ATP2A3: variants seen among roughly 807,000 people sequenced by gnomAD.
ATP2A3 encodes the protein ATPase sarcoplasmic/endoplasmic reticulum Ca2+ transporting 3, also known as sarcoplasmic/endoplasmic reticulum calcium ATPase 3.
A neutral mutation model predicts 106.8 loss-of-function variants in ATP2A3; 61 were observed. The ratio of observed to expected loss-of-function variants is 0.57; its 90% CI spans 0.46 to 0.71. The LOEUF (loss-of-function observed/expected upper bound fraction) is 0.71. ATP2A3 is among the 30% of genes least tolerant of loss of function. ATP2A3 has a pLI of 0.00. For missense variants in ATP2A3, 1,201 were observed against 1,423.5 expected (o/e 0.84, Z 2.52); for synonymous variants, 611 against 609.3 (o/e 1.00, Z -0.04).
chr17:3,958,809 TATATATATACACAC>T (rs1417079729), intron 1 of ATP2A3, among the ~76,000 whole-genome samples: 1 of 140,016 alleles, frequency 7.1e-6, no homozygotes, highest in Non-Finnish European at 1.6e-5. Flanking sequence ...TATACACACA[TATATATATACACAC>T]ATATATATAC....
At chr17:3,939,310 A>G (rs969562555) in intron 14 of ATP2A3, among the ~76,000 whole-genome samples, 1 of 152,042 alleles carries the variant, frequency 6.6e-6, no homozygotes, top group Non-Finnish European at 1.5e-5. Flanking sequence ...GCCATGGGTC[A>G]GGGTTAAGGA....
chr17:3,962,779 G>T (rs2055210938), intron 1 of ATP2A3, among the ~76,000 whole-genome samples: 1 of 152,184 alleles, frequency 6.6e-6, no homozygotes, highest in African/African-American at 2.4e-5. Flanking sequence ...ACAGGCCAAG[G>T]GCTGCGTCTC....
intron 20 of ATP2A3, chr17:3,927,609 G>C: frequency 2.0e-6 from 2 of 985,432 alleles, no homozygotes; most frequent in Non-Finnish European, 2.4e-6. Flanking sequence ...CTGTCACAGA[G>C]CATTGGCCAG....
intron 8 of ATP2A3, 140 bp from the exon 9 acceptor site, chr17:3,945,288 A>C: frequency 1.4e-6 from 1 of 698,368 alleles, no homozygotes. Context: ...GCCCACCAGG[A>C]GGGAAATAGA....
chr17:3,939,796 A>T (rs1369833565), intron 14 of ATP2A3, among the ~76,000 whole-genome samples: 19 of 149,776 alleles, frequency 1.3e-4, no homozygotes, highest in South Asian at 2.1e-4. Context: ...TAAAAAAAAA[A>T]AAAAAAAAAA....
At position 3,936,495 on chromosome 17, in the gene ATP2A3, C is replaced by A. The variant is rs1373365712; in HGVS notation, c.2322-26G>T. 2 of 1,612,220 alleles carry A rather than the reference C, an allele frequency of 1.2e-6. No individual in the cohort carries two copies. Among genetic ancestry groups the A allele is most frequent in the African/African-American group, 2.7e-5 (2 of 74,858 alleles). Reference sequence around the variant, plus strand: ...CTGGAACAGAGTCATGAGCTCTAGCCCCGGTAGGCCTAGCCCCCGGCAGAT... The same window carrying A: ...CTGGAACAGAGTCATGAGCTCTAGCACCGGTAGGCCTAGCCCCCGGCAGAT... On this transcript the variant is annotated intron_variant, in intron 15 of 20. Coordinates refer to ENST00000397041, the MANE Select transcript of ATP2A3 (RefSeq NM_005173.4). This position sits in a 1 kb window ranked among gnomAD's most constrained non-coding sequence, Gnocchi z 5.4.
At chr17:3,931,765 C>G (rs866024476) in intron 17 of ATP2A3, among the ~76,000 whole-genome samples, 2 of 152,198 alleles carry the variant, frequency 1.3e-5, no homozygotes, top group Admixed American at 1.3e-4. Flanking sequence ...TCGTGATCCG[C>G]CCGCCTTGGC....
At chr17:3,958,704 A>G (rs2054924022) in intron 1 of ATP2A3, among the ~76,000 whole-genome samples, 1 of 130,566 alleles carries the variant, frequency 7.7e-6, no homozygotes, top group Admixed American at 7.9e-5. Context: ...CCTCATTCAT[A>G]TATATATATA....
Position 3,945,104 on chromosome 17 carries a change from G to A in ATP2A3, c.1140C>T (p.His380=). ...ACGTGGTACCCGAGATGGTGAACTC[G>A]TGCAAAAGGCAGGAGCCCGCATCGG... ...AEADAGSCLL[H]EFTISGTTYT... is the part of the protein sequence containing the mutation. The change falls in exon 9 of 21, where the codon CAC becomes CAT. Residue 380 remains histidine, a synonymous_variant. Transcript: ENST00000397041. The A allele has an allele frequency of 6.5e-7, 1 of 1,548,142 alleles. No homozygotes were observed. The highest frequency in any genetic ancestry group is 1.2e-5 in the South Asian group (1 of 83,994).
rs1487129160 is a variant in ATP2A3, at chr17:3,925,424, A to G, written c.2998T>C (p.Ter1000ArgextTer42). 6.2e-7 allele frequency: 1 copy of G among 1,613,794 alleles called. No homozygotes were observed. Among genetic ancestry groups the G allele is most frequent in the South Asian group, 1.1e-5 (1 of 91,056 alleles). Reference protein sequence around the residue: ...NHMHEEMSQK* With the variant: ...NHMHEEMSQKR Reference sequence around the variant, plus strand: ...AGACTCCACTCTGTTCCCAGCGCTCACTTCTGGCTCATTTCTTCTGGAAGA... The same window carrying G: ...AGACTCCACTCTGTTCCCAGCGCTCGCTTCTGGCTCATTTCTTCTGGAAGA... The change falls in exon 21 of 21, where the codon TGA (stop) becomes CGA (arginine). Residue 1000 changes from the stop codon to arginine, a stop_lost. Coordinates refer to ENST00000397041, the MANE Select transcript of ATP2A3 (RefSeq NM_005173.4). The surrounding 1 kb of genome is among the most constrained non-coding windows in gnomAD (Gnocchi z 4.2).
At position 3,928,537 on chromosome 17, in the gene ATP2A3, C is replaced by G; in HGVS notation, c.2980+126G>C. On this transcript the variant is annotated intron_variant, in intron 20 of 20. Coordinates refer to ENST00000397041, the MANE Select transcript of ATP2A3 (RefSeq NM_005173.4). This position sits in a 1 kb window ranked among gnomAD's most constrained non-coding sequence, Gnocchi z 6.1. ...CCCTTCACACCCTCCACTTGGTGAT[C>G]CGAGAACGCCTCCCCGATGTGCAGA... The G allele has an allele frequency of 9.8e-7, 1 of 1,019,530 alleles. No homozygotes were observed. The highest frequency in any genetic ancestry group is 1.5e-6 in the Non-Finnish European group (1 of 672,624). The allele number at this position is 1,019,530 out of a possible 1,614,324, so 63.2% of individuals were successfully genotyped here. A position where few individuals can be genotyped will look rare whatever the true frequency, so the allele number is the denominator to read the frequency against.
Position 3,941,102 on chromosome 17 carries a change from C to G in ATP2A3, c.1969G>C (p.Glu657Gln), listed in dbSNP as rs368858776. 6.2e-7 allele frequency: 1 copy of G among 1,613,864 alleles called. No homozygotes were observed. ...TGCTCGGGGCTGAGGTCATCAAACT[C>G]GCGGCCCGTGTAGGCCTTGCCCGCC... Reference protein sequence around the residue: ...DVAGKAYTGREFDDLSPEQQR... With the variant: ...DVAGKAYTGRQFDDLSPEQQR... The change falls in exon 14 of 21, where the codon GAG becomes CAG. Residue 657 changes from glutamate to glutamine, a missense_variant. Coordinates refer to ENST00000397041, the MANE Select transcript of ATP2A3 (RefSeq NM_005173.4).
chr17:3,953,602 A>T lies in ATP2A3; in HGVS notation c.136+91T>A, dbSNP rs2054581676. On this transcript the variant is annotated intron_variant, in intron 2 of 20. Coordinates refer to ENST00000397041, the MANE Select transcript of ATP2A3 (RefSeq NM_005173.4). This position sits in a 1 kb window ranked among gnomAD's most constrained non-coding sequence, Gnocchi z 5.1. Reference sequence around the variant, plus strand: ...ATCCTGGGGAGCTCAGCAAGGCCTCACTCAGCGGGGAGAAGGAAGTCATGA... The same window carrying T: ...ATCCTGGGGAGCTCAGCAAGGCCTCTCTCAGCGGGGAGAAGGAAGTCATGA... The T allele has an allele frequency of 6.5e-7, 1 of 1,532,602 alleles. No homozygotes were observed. The highest frequency in any genetic ancestry group is 1.4e-5 in the African/African-American group (1 of 72,584). 94.9% of individuals were successfully genotyped at this position (1,532,602 alleles called of 1,614,324 possible). A position where few individuals can be genotyped will look rare whatever the true frequency, so the allele number is the denominator to read the frequency against.
In ATP2A3 at chr17:3,941,166, G is replaced by A. The variant is rs1223264825; in HGVS notation, c.1905C>T (p.Ile635=). Residue 635 remains isoleucine, a synonymous_variant, in exon 14 of 21, where the codon ATC becomes ATT. Transcript: ENST00000397041. ...CCCCAAAGATGCCAAGCCTGCGGCA[G>A]ATGGCCACGGCAGTGCCTTTGTTAT... The part of the protein sequence containing the change: ...TGDNKGTAVA[I]CRRLGIFGDT... 6.2e-7 allele frequency: 1 copy of A among 1,614,168 alleles called. No homozygotes were observed. Among genetic ancestry groups the A allele is most frequent in the Admixed American group, 1.7e-5 (1 of 60,032 alleles).
chr17:3,944,671 A>G (rs755156644), intron 10 of ATP2A3, 33 bp downstream of exon 10: 6 of 1,601,502 alleles, frequency 3.7e-6, no homozygotes, highest in Admixed American at 1.7e-5. Flanking sequence ...TCGCCTGGAT[A>G]CTAGGGAGGT....
intron 11 of ATP2A3, 104 bp from the exon 12 acceptor site, chr17:3,942,835 G>T: frequency 6.5e-7 from 1 of 1,534,414 alleles, no homozygotes; most frequent in Non-Finnish European, 8.9e-7. Context: ...CTCTGTGTGG[G>T]ATGACATCTA....
chr17:3,942,829 G>A (rs2053861484), intron 11 of ATP2A3, 98 bp from the exon 12 acceptor site: 9 of 1,566,228 alleles, frequency 5.7e-6, no homozygotes, highest in Middle Eastern at 1.7e-4. Context: ...CTCTTGCTCT[G>A]TGTGGGATGA....
At position 3,925,349 on chromosome 17, in the gene ATP2A3, G is replaced by A. The variant is rs185315758; in HGVS notation, c.*73C>T. ...AGTGGGCGAGTGTGGTGGCAAGGGT[G>A]GGGGGCGGAGGCGAACACATGGGCA... On this transcript the variant is annotated 3_prime_UTR_variant, in exon 21 of 21. Transcript: ENST00000397041. This position sits in a 1 kb window ranked among gnomAD's most constrained non-coding sequence, Gnocchi z 4.2. 1.2e-6 allele frequency: 2 copies of A among 1,611,892 alleles called. No individual in the cohort carries two copies. Among genetic ancestry groups the A allele is most frequent in the African/African-American group, 1.3e-5 (1 of 74,996 alleles).
chr17:3,930,601 C>T lies in ATP2A3; in HGVS notation c.2611-167G>A. ...TCCCGGGAGGGGTGCGGGGTCGGGG[C>T]GGCGGTGGGGAGAGCTGCACCGTGC... On this transcript the variant is annotated intron_variant, in intron 17 of 20. Coordinates refer to ENST00000397041, the MANE Select transcript of ATP2A3 (RefSeq NM_005173.4). The surrounding 1 kb of genome is among the most constrained non-coding windows in gnomAD (Gnocchi z 5.4). 1.6e-6 allele frequency: 1 copy of T among 618,180 alleles called. No individual in the cohort carries two copies. The highest frequency in any genetic ancestry group is 4.6e-5 in the East Asian group (1 of 21,844). 38.3% of individuals were successfully genotyped at this position (618,180 alleles called of 1,614,324 possible). A position where few individuals can be genotyped will look rare whatever the true frequency, so the allele number is the denominator to read the frequency against.
Sources: allele counts gnomAD v4.1 joint callset (sites outside exome capture counted in the v4.1 genomes callset), GRCh38; gene constraint gnomAD v4.1.1; non-coding constraint Gnocchi (gnomAD v3.1); transcripts MANE v1.5; gene names NCBI Gene and HGNC (gene_info 2026-07-23, HGNC 2026-07-21).